Variants in PRORP observed in about 807,000 individuals in gnomAD.
PRORP encodes the protein protein only RNase P catalytic subunit, also known as mitochondrial ribonuclease P catalytic subunit.
PRORP carries 51 observed loss-of-function variants against 59.4 expected under a neutral mutation model. The ratio of observed to expected loss-of-function variants is 0.86; its 90% confidence interval spans 0.69 to 1.08. The LOEUF is 1.08. Among genes scored for constraint, PRORP ranks in the 50% least tolerant of loss-of-function variants. The pLI, the probability that PRORP is intolerant of heterozygous loss-of-function variation, is 0.00. For synonymous variants in PRORP, 231 were observed against 245.6 expected, an observed-to-expected ratio of 0.94 and a Z score of 0.55; for missense variants, 646 against 690.3, an observed-to-expected ratio of 0.94 and a Z score of 0.72.
At chr14:35,228,956 A>G (rs1458650680) in intron 5 of PRORP, among the ~76,000 whole-genome samples, 1 of 152,110 alleles carries the variant, frequency 6.6e-6, no homozygotes, top group African/African-American at 2.4e-5. Flanking sequence ...CCTTGCCAGC[A>G]TCTGTTTTTT....
At chr14:35,136,516 A>G (rs1182574336) in intron 4 of PRORP, among the ~76,000 whole-genome samples, 1 of 145,084 alleles carries the variant, frequency 6.9e-6, no homozygotes, top group African/African-American at 2.4e-5. Flanking sequence ...CTGGGATTAC[A>G]GGCATGCACC....
At position 35,166,277 on chromosome 14, in the gene PRORP, T is replaced by G. The variant is rs373394671; in HGVS notation, c.1168-14393T>G. 1.2e-4 allele frequency among the ~76,000 whole-genome samples: 18 copies of G among 152,262 alleles called. No individual in the cohort carries two copies. In the East Asian group the frequency reaches 3.3e-3, roughly 28 times the overall value. ...CATATTTAAATTCTGCTGTTGCATT[T>G]TTTTTCATTTCTATTTTATTTTTGG... On this transcript the variant is annotated intron_variant, in intron 4 of 7. Transcript: ENST00000534898.
In PRORP at chr14:35,194,194, A is replaced by G. The variant is rs368404340; in HGVS notation, c.1275+13417A>G. Among the ~76,000 whole-genome samples the G allele has an allele frequency of 2.3e-4, 35 of 152,138 alleles. No individual in the cohort carries two copies. In the East Asian group the frequency reaches 4.1e-3, roughly 18 times the overall value. On this transcript the variant is annotated intron_variant, in intron 5 of 7. Transcript: ENST00000534898. ...TCCCTTGTAAGTTGTATTCCTAGGT[A>G]TTTTACTCTCTTTGTAGCAATTATG...
At chr14:35,175,459 A>C (rs1053669068) in intron 4 of PRORP, among the ~76,000 whole-genome samples, 1 of 151,952 alleles carries the variant, frequency 6.6e-6, no homozygotes, top group Non-Finnish European at 1.5e-5. Context: ...ATGGTATCTC[A>C]TTGTGGTTTT....
intron 4 of PRORP, among the ~76,000 whole-genome samples, chr14:35,132,343 A>G (rs1474016612): frequency 6.6e-6 from 1 of 151,250 alleles, no homozygotes; most frequent in Non-Finnish European, 1.5e-5. Flanking sequence ...CTGTAATTCC[A>G]GTTACGTAGG....
At chr14:35,136,161 T>C (rs941329751) in intron 4 of PRORP, among the ~76,000 whole-genome samples, 1 of 151,994 alleles carries the variant, frequency 6.6e-6, no homozygotes, top group East Asian at 1.9e-4. Flanking sequence ...CAGCTCAGCT[T>C]TGAGAACATT....
chr14:35,267,031 G>A lies in PRORP; in HGVS notation c.1424+156G>A, dbSNP rs535139184. ...GATTTGAGACAACTTACAAAACTAC[G>A]GTTTCTTCTAAAAAAGAAAAACACT... On this transcript the variant is annotated intron_variant, in intron 6 of 7. Transcript: ENST00000534898. Among the ~76,000 whole-genome samples, 73 of 150,930 alleles carry A rather than the reference G, an allele frequency of 4.8e-4. 1 individual carries two copies. The highest frequency in any genetic ancestry group is 1.7e-3 in the African/African-American group (71 of 40,980).
intron 5 of PRORP, among the ~76,000 whole-genome samples, chr14:35,209,460 T>C (rs984086150): frequency 1.6e-4 from 24 of 152,230 alleles, no homozygotes; most frequent in African/African-American, 5.5e-4. Context: ...CTAATTATAC[T>C]GTTTCATGTT....
At chr14:35,134,934 A>G (rs757377154) in intron 4 of PRORP, among the ~76,000 whole-genome samples, 2 of 152,148 alleles carry the variant, frequency 1.3e-5, no homozygotes, top group Non-Finnish European at 2.9e-5. Context: ...CATGGTGGTG[A>G]GGCTTGTGGG....
At chr14:35,134,030 G>A (rs1408445322) in intron 4 of PRORP, among the ~76,000 whole-genome samples, 3 of 152,150 alleles carry the variant, frequency 2.0e-5, no homozygotes, top group Non-Finnish European at 4.4e-5. Flanking sequence ...ATCAGCAGTT[G>A]GTAAAGCCAG....
In PRORP at chr14:35,139,352, A is replaced by G. The variant is rs2047435043; in HGVS notation, c.1167+11741A>G. ...TGTACAACTTTATGAGTTTTGTCAT[A>G]TGTATATACCTGTGGAACTGTCACT... On this transcript the variant is annotated intron_variant, in intron 4 of 7. Coordinates refer to ENST00000534898, the MANE Select transcript of PRORP (RefSeq NM_014672.4). Among the ~76,000 whole-genome samples the G allele has an allele frequency of 1.4e-5, 2 of 145,910 alleles. 1 individual carries two copies. Among genetic ancestry groups the G allele is most frequent in the South Asian group, 4.4e-4 (2 of 4,520 alleles).
At chr14:35,245,391 C>T (rs532356188) in intron 5 of PRORP, among the ~76,000 whole-genome samples, 1 of 152,286 alleles carries the variant, frequency 6.6e-6, no homozygotes, top group South Asian at 2.1e-4. Context: ...GCCTCTAATA[C>T]CAGCACTTTG....
At chr14:35,167,155 G>A (rs191295429) in intron 4 of PRORP, among the ~76,000 whole-genome samples, 190 of 152,232 alleles carry the variant, frequency 1.2e-3, no homozygotes, top group African/African-American at 4.3e-3. Flanking sequence ...GTTCAAAGAT[G>A]CTGTATTTGC....
intron 4 of PRORP, among the ~76,000 whole-genome samples, chr14:35,165,689 T>G (rs1463250733): frequency 6.6e-6 from 1 of 152,050 alleles, no homozygotes; most frequent in Admixed American, 6.6e-5. Flanking sequence ...ATGTAAGGTT[T>G]TTTTTTTGGA....
chr14:35,225,682 T>C (rs1020841153), intron 5 of PRORP, among the ~76,000 whole-genome samples: 1 of 152,040 alleles, frequency 6.6e-6, no homozygotes, highest in Non-Finnish European at 1.5e-5. Flanking sequence ...TATGCTTTCT[T>C]TTTTGGTAGC....
chr14:35,202,415 T>G (rs964436371), intron 5 of PRORP, among the ~76,000 whole-genome samples: 1 of 152,186 alleles, frequency 6.6e-6, no homozygotes, highest in South Asian at 2.1e-4. Flanking sequence ...AGTCACCTTA[T>G]GATTTTTTTT....
At chr14:35,164,133 C>G (rs1255799571) in intron 4 of PRORP, among the ~76,000 whole-genome samples, 1 of 152,184 alleles carries the variant, frequency 6.6e-6, no homozygotes, top group East Asian at 1.9e-4. Context: ...GTCTCTATAT[C>G]TGTTTTTGTA....
chr14:35,148,366 A>T (rs781258467), intron 4 of PRORP, among the ~76,000 whole-genome samples: 75 of 152,226 alleles, frequency 4.9e-4, no homozygotes, highest in Non-Finnish European at 9.8e-4. Context: ...TCTCCATAAG[A>T]GCTCTTGGGT....
At chr14:35,165,907 T>C (rs762768351) in intron 4 of PRORP, among the ~76,000 whole-genome samples, 12 of 152,304 alleles carry the variant, frequency 7.9e-5, no homozygotes, top group Admixed American at 7.2e-4. Flanking sequence ...CTTGAACTCC[T>C]GGCCTCAATG....
Sources: allele counts gnomAD v4.1 joint callset (sites outside exome capture counted in the v4.1 genomes callset), GRCh38; gene constraint gnomAD v4.1.1; transcripts MANE v1.5; gene names NCBI Gene and HGNC (gene_info 2026-07-23, HGNC 2026-07-21).